The following LYPD6 variants were observed in gnomAD, a reference collection of about 807,000 sequenced individuals.
LYPD6 encodes LY6/PLAUR domain containing 6.
A neutral mutation model predicts 22.7 loss-of-function variants in LYPD6; 15 were observed. That is an observed-to-expected ratio of 0.66 (90% CI 0.44 to 1.02). The LOEUF (loss-of-function observed/expected upper bound fraction) is 1.02, where lower values mean the gene tolerates loss of function less well. Ranked by LOEUF, LYPD6 falls within the 50% of genes least tolerant of loss-of-function variation. The probability of loss-of-function intolerance (pLI) is 0.00; values close to 1 mark genes in which losing one functional copy is unlikely to be tolerated. For synonymous variants in LYPD6, 72 were observed against 77.5 expected (o/e 0.93, Z 0.37); for missense variants, 189 against 208.4 (o/e 0.91, Z 0.57).
chr2:149,398,528 G>A (rs1006753835), intron 1 of LYPD6, among the ~76,000 whole-genome samples: 3 of 151,862 alleles, frequency 2.0e-5, no homozygotes, highest in African/African-American at 7.3e-5. Flanking sequence ...TCAGAGGGAT[G>A]CTGCTTTCCT....
chr2:149,376,482 G>C (rs886378872), intron 1 of LYPD6, among the ~76,000 whole-genome samples: 1 of 152,000 alleles, frequency 6.6e-6, no homozygotes, highest in Non-Finnish European at 1.5e-5. Flanking sequence ...TAGAGGAGGG[G>C]ATAAAGAACA....
chr2:149,414,239 A>G (rs1007094986), intron 1 of LYPD6, among the ~76,000 whole-genome samples: 2 of 152,210 alleles, frequency 1.3e-5, no homozygotes, highest in African/African-American at 4.8e-5. Flanking sequence ...ATATAATTTT[A>G]AAGTGATTTT....
intron 1 of LYPD6, among the ~76,000 whole-genome samples, chr2:149,432,941 T>C (rs1250387527): frequency 6.6e-6 from 1 of 152,246 alleles, no homozygotes; most frequent in Non-Finnish European, 1.5e-5. Flanking sequence ...TGAAAAATGT[T>C]ATTAAAAGTT....
chr2:149,354,814 A>G (rs1224028963), intron 1 of LYPD6, among the ~76,000 whole-genome samples: 3 of 152,200 alleles, frequency 2.0e-5, no homozygotes, highest in African/African-American at 7.2e-5. Context: ...AATTTGAAGA[A>G]GCAGCTAACC....
At chr2:149,359,021 C>T (rs1681519559) in intron 1 of LYPD6, among the ~76,000 whole-genome samples, 1 of 152,122 alleles carries the variant, frequency 6.6e-6, no homozygotes, top group African/African-American at 2.4e-5. Context: ...TACTTACGTC[C>T]TCCATCTCTA....
At chr2:149,423,368 C>T (rs10497048) in intron 1 of LYPD6, among the ~76,000 whole-genome samples, 27,461 of 152,068 alleles carry the variant, frequency 0.18, 3,251 homozygotes, top group Non-Finnish European at 0.26. Flanking sequence ...ATTTCCAGTT[C>T]GTGATGGTAT....
intron 1 of LYPD6, among the ~76,000 whole-genome samples, chr2:149,387,323 T>C (rs536539874): frequency 6.6e-6 from 1 of 152,352 alleles, no homozygotes; most frequent in African/African-American, 2.4e-5. Context: ...CTTGATACTT[T>C]TCTCTTAGGC....
chr2:149,407,047 G>T (rs955431059), intron 1 of LYPD6, among the ~76,000 whole-genome samples: 1 of 152,100 alleles, frequency 6.6e-6, no homozygotes, highest in African/African-American at 2.4e-5. Context: ...CTTTAAGAAT[G>T]TTGAATATTG....
chr2:149,375,923 A>C (rs1219482182), intron 1 of LYPD6, among the ~76,000 whole-genome samples: 1 of 152,212 alleles, frequency 6.6e-6, no homozygotes. Flanking sequence ...ATCTGATTCC[A>C]AAAATGCTAC....
intron 3 of LYPD6, among the ~76,000 whole-genome samples, chr2:149,450,148 A>C (rs1250744267): frequency 2.6e-5 from 4 of 152,172 alleles, no homozygotes; most frequent in African/African-American, 9.7e-5. Flanking sequence ...TTTTTCAAAG[A>C]AATCACTGAA....
At chr2:149,420,418 T>A (rs1399797361) in intron 1 of LYPD6, among the ~76,000 whole-genome samples, 1 of 152,186 alleles carries the variant, frequency 6.6e-6, no homozygotes, top group African/African-American at 2.4e-5. Flanking sequence ...GCTGGCTACC[T>A]TTAGAGTAAT....
At chr2:149,371,274 G>A (rs899461006) in intron 1 of LYPD6, among the ~76,000 whole-genome samples, 1 of 152,092 alleles carries the variant, frequency 6.6e-6, no homozygotes, top group Non-Finnish European at 1.5e-5. Flanking sequence ...AGGATGTCTG[G>A]CCCAAAATGG....
chr2:149,330,940 C>T (rs1680924573), intron 1 of LYPD6, among the ~76,000 whole-genome samples: 1 of 152,160 alleles, frequency 6.6e-6, no homozygotes, highest in Admixed American at 6.5e-5. Flanking sequence ...TGGACGGGTC[C>T]AGAGGGGCGT....
chr2:149,358,634 C>T (rs2105065737), intron 1 of LYPD6, among the ~76,000 whole-genome samples: 1 of 151,874 alleles, frequency 6.6e-6, no homozygotes, highest in South Asian at 2.1e-4. Context: ...GGGATAGACC[C>T]TAATCAGAGA....
At chr2:149,460,648 T>C (rs1391534250) in intron 3 of LYPD6, among the ~76,000 whole-genome samples, 1 of 152,102 alleles carries the variant, frequency 6.6e-6, no homozygotes. Flanking sequence ...TAATTGACAT[T>C]TACAGAACAC....
intron 1 of LYPD6, among the ~76,000 whole-genome samples, chr2:149,331,518 T>C (rs1368395034): frequency 6.6e-6 from 1 of 152,038 alleles, no homozygotes; most frequent in Non-Finnish European, 1.5e-5. Flanking sequence ...ACTGCGGGGC[T>C]CAAAACTTGG....
At chr2:149,411,937 C>T (rs1682857392) in intron 1 of LYPD6, among the ~76,000 whole-genome samples, 1 of 152,120 alleles carries the variant, frequency 6.6e-6, no homozygotes, top group Non-Finnish European at 1.5e-5. Context: ...TTCTTGTTTG[C>T]ATCTTTTTTT....
intron 1 of LYPD6, among the ~76,000 whole-genome samples, chr2:149,431,017 A>T (rs1683300295): frequency 1.3e-5 from 2 of 149,090 alleles, no homozygotes; most frequent in African/African-American, 2.5e-5. Flanking sequence ...TCTTGAACTA[A>T]TTTTTTTTTT....
intron 1 of LYPD6, among the ~76,000 whole-genome samples, chr2:149,398,097 T>C (rs1192993987): frequency 6.6e-6 from 1 of 152,188 alleles, no homozygotes; most frequent in East Asian, 1.9e-4. Flanking sequence ...TTTTCTATTC[T>C]AGCAAGTACC....
Sources: allele counts gnomAD v4.1 joint callset (sites outside exome capture counted in the v4.1 genomes callset), GRCh38; gene constraint gnomAD v4.1.1; transcripts MANE v1.5; gene names NCBI Gene and HGNC (gene_info 2026-07-23, HGNC 2026-07-21).